Variants in FMNL2 observed in about 807,000 individuals in gnomAD.
The protein encoded by FMNL2 is formin like 2.
FMNL2 carries 51 observed loss-of-function variants against 130.2 expected under a neutral mutation model. The ratio of observed to expected loss-of-function variants is 0.39; its 90% CI spans 0.31 to 0.49. The LOEUF (loss-of-function observed/expected upper bound fraction) is 0.49. Ranked by LOEUF, FMNL2 falls within the 20% of genes least tolerant of loss-of-function variation. The pLI, the probability that FMNL2 is intolerant of heterozygous loss-of-function variation, is 0.85. For synonymous variants in FMNL2, 465 were observed against 467.1 expected (o/e 1.00, Z 0.06); for missense variants, 977 against 1,316.2 (o/e 0.74, Z 3.99).
intron 6 of FMNL2, among the ~76,000 whole-genome samples, chr2:152,563,827 G>C (rs1342282323): frequency 6.6e-6 from 1 of 152,048 alleles, no homozygotes; most frequent in Non-Finnish European, 1.5e-5. Flanking sequence ...TTCTCTGCCT[G>C]AGTATTTTCA....
chr2:152,384,208 T>C (rs927082119), intron 1 of FMNL2, among the ~76,000 whole-genome samples: 1 of 152,218 alleles, frequency 6.6e-6, no homozygotes, highest in African/African-American at 2.4e-5. Context: ...GCTCAAAGTT[T>C]TGTGATAGTG....
At chr2:152,615,132 C>G in intron 12 of FMNL2, 132 bp downstream of exon 12, 1 of 887,766 alleles carries the variant, frequency 1.1e-6, no homozygotes, top group Non-Finnish European at 1.7e-6. Context: ...CAAGAGAGAG[C>G]TATCAGAAGC....
chr2:152,405,591 T>G (rs1344641816), intron 1 of FMNL2, among the ~76,000 whole-genome samples: 1 of 152,210 alleles, frequency 6.6e-6, no homozygotes, highest in Non-Finnish European at 1.5e-5. Flanking sequence ...GTGTCTACCT[T>G]GCGTGCCAGG....
chr2:152,512,352 C>G (rs1355022796), intron 1 of FMNL2, among the ~76,000 whole-genome samples: 1 of 152,158 alleles, frequency 6.6e-6, no homozygotes, highest in Admixed American at 6.5e-5. Context: ...ATTTTAGGGG[C>G]TGGCACTTTG....
chr2:152,505,109 C>T (rs1444004593), intron 1 of FMNL2, among the ~76,000 whole-genome samples: 1 of 151,904 alleles, frequency 6.6e-6, no homozygotes, highest in African/African-American at 2.4e-5. Flanking sequence ...ACACACGAGT[C>T]TGCTCATTCT....
At chr2:152,363,065 G>A (rs1199666576) in intron 1 of FMNL2, among the ~76,000 whole-genome samples, 1 of 152,158 alleles carries the variant, frequency 6.6e-6, no homozygotes, top group African/African-American at 2.4e-5. Context: ...ATAGCTGAAG[G>A]GTTCAAGGTT....
chr2:152,469,430 C>G (rs945486550), intron 1 of FMNL2, among the ~76,000 whole-genome samples: 7 of 152,236 alleles, frequency 4.6e-5, no homozygotes, highest in African/African-American at 1.7e-4. Flanking sequence ...TCTCTAGCCT[C>G]CTTGGCTAGT....
chr2:152,426,256 T>C (rs1221301700), intron 1 of FMNL2, among the ~76,000 whole-genome samples: 1 of 152,168 alleles, frequency 6.6e-6, no homozygotes, highest in East Asian at 1.9e-4. Flanking sequence ...CCAGAATAGC[T>C]GTAGGAATAA....
At chr2:152,371,323 C>G (rs1683860405) in intron 1 of FMNL2, among the ~76,000 whole-genome samples, 7 of 152,022 alleles carry the variant, frequency 4.6e-5, no homozygotes, top group Admixed American at 3.9e-4. Flanking sequence ...GTTGCTTTCT[C>G]TAATGTTGTC....
At chr2:152,485,070 T>C (rs80125884) in intron 1 of FMNL2, among the ~76,000 whole-genome samples, 2,280 of 152,294 alleles carry the variant, frequency 0.015, 60 homozygotes, top group African/African-American at 0.052. Context: ...TTTAAAAATA[T>C]TCTGGGGCTG....
intron 1 of FMNL2, among the ~76,000 whole-genome samples, chr2:152,413,673 G>A (rs566592752): frequency 6.6e-6 from 1 of 152,294 alleles, no homozygotes; most frequent in African/African-American, 2.4e-5. Flanking sequence ...CATATGCAAG[G>A]ATGCACTAAA....
intron 9 of FMNL2, among the ~76,000 whole-genome samples, chr2:152,604,684 C>T (rs1698262458): frequency 6.6e-6 from 1 of 151,770 alleles, no homozygotes; most frequent in African/African-American, 2.4e-5. Context: ...CAACCTCTGC[C>T]TTCTGGGTTC....
intron 7 of FMNL2, among the ~76,000 whole-genome samples, chr2:152,575,712 A>G (rs1230216274): frequency 6.6e-6 from 1 of 152,206 alleles, no homozygotes; most frequent in Non-Finnish European, 1.5e-5. Context: ...AGATTGAATA[A>G]GCTGCTGTTG....
Position 152,632,010 on chromosome 2 carries a change from C to T in FMNL2, c.2553C>T (p.Leu851=). 6.2e-7 allele frequency: 1 copy of T among 1,610,404 alleles called. No homozygotes were observed. The highest frequency in any genetic ancestry group is 8.5e-7 in the Non-Finnish European group (1 of 1,178,506). Residue 851 remains leucine (L), a splice_region_variant and synonymous_variant, in exon 21 of 26, where the codon CTC becomes CTT. Transcript: ENST00000288670. ...CCCACGTTCCCTTTTGTTTTCAGCT[C>T]TTAGATACAAAGTCAACAGACAGAA... is the stretch of plus-strand genomic sequence containing the variant. ...YGFKLQSLDL[L]LDTKSTDRKQ... is the part of the protein sequence containing the mutation.
At chr2:152,542,497 A>G (rs979935103) in intron 2 of FMNL2, among the ~76,000 whole-genome samples, 2 of 152,208 alleles carry the variant, frequency 1.3e-5, no homozygotes, top group East Asian at 1.9e-4. Context: ...CCACATGTAC[A>G]TGTGACCAGC....
chr2:152,359,834 G>A (rs780207495), intron 1 of FMNL2, among the ~76,000 whole-genome samples: 1 of 152,132 alleles, frequency 6.6e-6, no homozygotes, highest in Non-Finnish European at 1.5e-5. Context: ...GGCTTTTACT[G>A]TGCGATGTTT....
At chr2:152,608,590 T>C (rs998194965) in intron 10 of FMNL2, among the ~76,000 whole-genome samples, 3 of 150,398 alleles carry the variant, frequency 2.0e-5, no homozygotes, top group Non-Finnish European at 4.4e-5. Context: ...TTTATATATA[T>C]ACACACACAT....
chr2:152,340,212 C>T (rs988929014), intron 1 of FMNL2, among the ~76,000 whole-genome samples: 13 of 151,976 alleles, frequency 8.6e-5, no homozygotes, highest in African/African-American at 3.1e-4. Context: ...TCTAAGTTGC[C>T]TAAAATTATA....
intron 23 of FMNL2, among the ~76,000 whole-genome samples, chr2:152,638,313 A>C (rs892173274): frequency 1.7e-4 from 26 of 152,200 alleles, no homozygotes; most frequent in African/African-American, 6.0e-4. Flanking sequence ...AATTACAAGA[A>C]GGCTGTTAGA....
Sources: gnomAD v4.1 joint callset for allele counts (sites outside exome capture counted in the v4.1 genomes callset) on GRCh38, gnomAD v4.1.1 for gene constraint, MANE v1.5 for transcripts, NCBI Gene and HGNC (gene_info 2026-07-23, HGNC 2026-07-21) for gene names.